The following AUTS2 variants were observed in gnomAD, a reference collection of about 807,000 sequenced individuals.
The protein encoded by AUTS2 is activator of transcription and developmental regulator AUTS2, also known as autism susceptibility gene 2 protein.
In AUTS2, 17 loss-of-function variants were observed where a neutral mutation model predicts 112.4. That is an observed-to-expected ratio of 0.15 (90% CI 0.10 to 0.23). The LOEUF is 0.23. AUTS2 is among the 10% of genes least tolerant of loss of function. AUTS2 has a pLI of 1.00. For missense variants in AUTS2, 1,510 were observed against 1,701.6 expected (o/e 0.89, Z 1.98); for synonymous variants, 751 against 702.7 (o/e 1.07, Z -1.09).
intron 2 of AUTS2, among the ~76,000 whole-genome samples, chr7:70,115,525 G>A (rs915858199): frequency 5.3e-5 from 8 of 152,196 alleles, no homozygotes; most frequent in Admixed American, 6.5e-5. Context: ...CTTTGTGAAC[G>A]TACTATAGTC....
At chr7:70,280,760 C>G (rs1320470712) in intron 4 of AUTS2, among the ~76,000 whole-genome samples, 2 of 152,100 alleles carry the variant, frequency 1.3e-5, no homozygotes, top group Non-Finnish European at 2.9e-5. Context: ...TTTGGATTGA[C>G]ACATTATTAG....
At chr7:69,703,705 G>A (rs985972990) in intron 1 of AUTS2, among the ~76,000 whole-genome samples, 2 of 152,116 alleles carry the variant, frequency 1.3e-5, no homozygotes, top group Non-Finnish European at 2.9e-5. Flanking sequence ...CCAGGGAAGA[G>A]GAACTATAAA....
intron 5 of AUTS2, among the ~76,000 whole-genome samples, chr7:70,456,412 C>A (rs968043258): frequency 6.6e-6 from 1 of 152,234 alleles, no homozygotes. Flanking sequence ...GCTCTTAATG[C>A]GAGTGTCATG....
rs376326877 is a variant in AUTS2 at position 70,394,189 on chromosome 7, T to C, written c.661-41563T>C. 1.1e-4 allele frequency among the ~76,000 whole-genome samples: 17 copies of C among 152,334 alleles called. No individual in the cohort carries two copies. The East Asian group carries it at 3.1e-3, about 28-fold the overall frequency. ...TAGTAATGAAAAATCAGGCCAAGCCTCTTTGGTACTTTTTTTTCCCCTACA... is the reference window on the plus strand; with the variant it reads ...TAGTAATGAAAAATCAGGCCAAGCCCCTTTGGTACTTTTTTTTCCCCTACA... On this transcript the variant is annotated intron_variant, in intron 4 of 18. Coordinates refer to ENST00000342771, the MANE Select transcript of AUTS2 (RefSeq NM_015570.4).
chr7:70,248,449 C>T (rs899294877), intron 4 of AUTS2, among the ~76,000 whole-genome samples: 48 of 152,218 alleles, frequency 3.2e-4, no homozygotes, highest in African/African-American at 1.1e-3. Context: ...AGGTATGTTT[C>T]TTATAGGTAC....
At chr7:70,595,466 G>A (rs1803148759) in intron 5 of AUTS2, among the ~76,000 whole-genome samples, 1 of 152,032 alleles carries the variant, frequency 6.6e-6, no homozygotes, top group African/African-American at 2.4e-5. Context: ...CTCTCGGGTT[G>A]TGGGCTAGAC....
intron 5 of AUTS2, among the ~76,000 whole-genome samples, chr7:70,698,121 T>G (rs1458360844): frequency 1.3e-5 from 2 of 152,218 alleles, no homozygotes; most frequent in East Asian, 3.8e-4. Flanking sequence ...CAGTGTTGGC[T>G]TACACTTTTT....
chr7:70,087,019 T>G (rs1803643659), intron 2 of AUTS2, among the ~76,000 whole-genome samples: 1 of 151,854 alleles, frequency 6.6e-6, no homozygotes, highest in Admixed American at 6.6e-5. Flanking sequence ...ATGGAAGTGG[T>G]GAGAGTGTAC....
intron 2 of AUTS2, among the ~76,000 whole-genome samples, chr7:69,932,075 G>T (rs80213556): frequency 0.034 from 5,191 of 152,262 alleles, 127 homozygotes; most frequent in Middle Eastern, 0.085. Context: ...GTGTGCTTGT[G>T]TGTGTATATG....
intron 4 of AUTS2, among the ~76,000 whole-genome samples, chr7:70,239,499 G>A (rs991874035): frequency 3.3e-5 from 5 of 151,916 alleles, no homozygotes; most frequent in African/African-American, 1.2e-4. Flanking sequence ...GCAATGGTGC[G>A]ATCTTGGCTC....
At chr7:70,281,646 A>G (rs1262645567) in intron 4 of AUTS2, among the ~76,000 whole-genome samples, 1 of 151,508 alleles carries the variant, frequency 6.6e-6, no homozygotes, top group Admixed American at 6.6e-5. Context: ...TCCAGTGTGT[A>G]TTTTCTATCA....
At chr7:69,652,023 C>A (rs1022751508) in intron 1 of AUTS2, among the ~76,000 whole-genome samples, 4 of 152,102 alleles carry the variant, frequency 2.6e-5, no homozygotes, top group African/African-American at 7.2e-5. Context: ...TAGATTAGGC[C>A]AGATTAGATT....
intron 4 of AUTS2, among the ~76,000 whole-genome samples, chr7:70,225,696 CTT>C (rs1402792587): frequency 7.9e-5 from 12 of 152,046 alleles, no homozygotes; most frequent in South Asian, 2.1e-4. Context: ...ACACTGATGA[CTT>C]ATATAAATTA....
chr7:70,747,519 C>T (rs1401702909), intron 6 of AUTS2, among the ~76,000 whole-genome samples: 1 of 152,184 alleles, frequency 6.6e-6, no homozygotes, highest in Admixed American at 6.5e-5. Context: ...AATGCAATGG[C>T]GCAATCTCAG....
intron 1 of AUTS2, among the ~76,000 whole-genome samples, chr7:69,621,769 ACCT>A (rs1459576628): frequency 6.6e-6 from 1 of 151,912 alleles, no homozygotes; most frequent in Non-Finnish European, 1.5e-5. Flanking sequence ...GGGTTATTTG[ACCT>A]CCTCCTGAGG....
intron 1 of AUTS2, among the ~76,000 whole-genome samples, chr7:69,626,001 A>G (rs1049698995): frequency 6.6e-6 from 1 of 152,202 alleles, no homozygotes; most frequent in Non-Finnish European, 1.5e-5. Flanking sequence ...GATAAGTGTG[A>G]TGGAAGGGAG....
intron 4 of AUTS2, among the ~76,000 whole-genome samples, chr7:70,398,439 T>G (rs1794182005): frequency 6.6e-6 from 1 of 152,206 alleles, no homozygotes; most frequent in African/African-American, 2.4e-5. Context: ...TATTTTTTAA[T>G]GCACAGGTCT....
intron 4 of AUTS2, among the ~76,000 whole-genome samples, chr7:70,324,117 G>C (rs1175985353): frequency 1.3e-5 from 2 of 152,190 alleles, no homozygotes; most frequent in Non-Finnish European, 2.9e-5. Context: ...GGCGTCATCA[G>C]CTAAGACCTG....
intron 1 of AUTS2, among the ~76,000 whole-genome samples, chr7:69,774,315 G>T (rs564250063): frequency 1.3e-5 from 2 of 152,272 alleles, no homozygotes; most frequent in African/African-American, 4.8e-5. Context: ...TAGGAGGATC[G>T]CTTGAACCCA....
Sources: allele counts gnomAD v4.1 joint callset (sites outside exome capture counted in the v4.1 genomes callset), GRCh38; gene constraint gnomAD v4.1.1; transcripts MANE v1.5; gene names NCBI Gene and HGNC (gene_info 2026-07-23, HGNC 2026-07-21).